Variants in GRIP2 observed in about 807,000 individuals in gnomAD.
GRIP2 encodes the protein glutamate receptor-interacting protein 2.
A neutral mutation model predicts 108.3 loss-of-function variants in GRIP2; 58 were observed. That is an observed-to-expected ratio of 0.54 (90% CI 0.43 to 0.67). The LOEUF is 0.67. Among genes scored for constraint, GRIP2 ranks in the 30% least tolerant of loss-of-function variants. The probability of loss-of-function intolerance (pLI) is 0.00; values close to 1 mark genes in which losing one functional copy is unlikely to be tolerated. For missense variants in GRIP2, 1,278 were observed against 1,430.6 expected (o/e 0.89, Z 1.72); for synonymous variants, 586 against 598.2 (o/e 0.98, Z 0.30).
chr3:14,525,422 A>C lies in GRIP2; in HGVS notation c.257+15T>G. On this transcript the variant is annotated intron_variant, in intron 3 of 23. Transcript: ENST00000621039. ...TGCACCCCCCTCCTGCGGCCGTGCCAAGCCCACTTCTCACCTGGCTGCAAG... is the reference window on the plus strand; with the variant it reads ...TGCACCCCCCTCCTGCGGCCGTGCCCAGCCCACTTCTCACCTGGCTGCAAG... 6.2e-7 allele frequency: 1 copy of C among 1,605,032 alleles called. No individual in the cohort carries two copies. Among genetic ancestry groups the C allele is most frequent in the Non-Finnish European group, 8.5e-7 (1 of 1,177,090 alleles).
At chr3:14,527,954 G>T (rs1694609024) in intron 1 of GRIP2, among the ~76,000 whole-genome samples, 2 of 152,006 alleles carry the variant, frequency 1.3e-5, no homozygotes, top group South Asian at 4.2e-4. Context: ...ACTCTTTGTG[G>T]TGAGCATGTC....
rs928619663 is a variant in GRIP2, at chr3:14,511,943, G to A, written c.1721-464C>T. On this transcript the variant is annotated intron_variant, in intron 14 of 23. Transcript: ENST00000621039. This position sits in a 1 kb window ranked among gnomAD's most constrained non-coding sequence, Gnocchi z 4.1. The stretch of plus-strand genomic sequence containing the variant: ...GACAGCAATCTCTCCCTGCCCTCCT[G>A]GAGCTGGCACTCCAGTGGTGGTCAC... Among the ~76,000 whole-genome samples, 4 of 152,174 alleles carry A rather than the reference G, an allele frequency of 2.6e-5. No individual in the cohort carries two copies. Among genetic ancestry groups the A allele is most frequent in the African/African-American group, 9.7e-5 (4 of 41,436 alleles).
At chr3:14,569,588 T>A in the GRIP2 span, among the ~76,000 whole-genome samples, 1 of 152,118 alleles carries the variant, frequency 6.6e-6, no homozygotes, top group Non-Finnish European at 1.5e-5. Flanking sequence ...AGACATTGGG[T>A]GAGGAGACCT....
At chr3:14,602,328 C>G in the GRIP2 span, 2 of 151,600 alleles carry the variant, frequency 1.3e-5, no homozygotes, top group African/African-American at 2.4e-5. This position sits in a 1 kb window ranked among gnomAD's most constrained non-coding sequence, Gnocchi z 4.7. Flanking sequence ...GGGGCAGGCC[C>G]GGGCAGGGGG....
In GRIP2 at chr3:14,525,753, A is replaced by G. The variant is rs980199344; in HGVS notation, c.121+98T>C. On this transcript the variant is annotated intron_variant, in intron 2 of 23. Coordinates refer to ENST00000621039, the MANE Select transcript of GRIP2 (RefSeq NM_001080423.4). ...GGTTAAGTGGCTGGTCTAAGGTCAC[A>G]GAGCAAGTCAGTGGCAGAGCCGTTG... 1.9e-5 allele frequency: 25 copies of G among 1,343,578 alleles called. No individual in the cohort carries two copies. The African/African-American group carries it at 2.3e-4, about 12-fold the overall frequency. 83.2% of individuals were successfully genotyped at this position (1,343,578 alleles called of 1,614,324 possible).
the GRIP2 span, among the ~76,000 whole-genome samples, chr3:14,584,363 A>G: frequency 6.6e-6 from 1 of 152,228 alleles, no homozygotes; most frequent in East Asian, 1.9e-4. Context: ...CCAAGTCCTG[A>G]GTGTCCTTCA....
In GRIP2 at chr3:14,489,411, T is replaced by G. The variant is rs1226468638; in HGVS notation, c.*4254A>C. ...TCAACGTTTGCCAAACGCTTTACAT[T>G]TTATAAAGGGCTTCCCGTCCAATCC... On this transcript the variant is annotated 3_prime_UTR_variant, in exon 24 of 24. Coordinates refer to ENST00000621039, the MANE Select transcript of GRIP2 (RefSeq NM_001080423.4). 6.6e-6 allele frequency: 1 copy of G among 152,594 alleles called. No individual in the cohort carries two copies. Among genetic ancestry groups the G allele is most frequent in the Non-Finnish European group, 1.5e-5 (1 of 68,034 alleles). The allele number at this position is 152,594 out of a possible 1,614,324, so 9.5% of individuals were successfully genotyped here.
chr3:14,517,409 C>T (rs146731116), intron 10 of GRIP2, among the ~76,000 whole-genome samples, 196 bp from the exon 11 acceptor site: 1 of 150,056 alleles, frequency 6.7e-6, no homozygotes, highest in Non-Finnish European at 1.5e-5. Context: ...TCCATAGACC[C>T]TGTGAAACTC....
intron 16 of GRIP2, among the ~76,000 whole-genome samples, chr3:14,510,933 G>A (rs1026218572): frequency 6.6e-5 from 10 of 152,194 alleles, no homozygotes; most frequent in African/African-American, 1.9e-4. Flanking sequence ...GGAGACTACG[G>A]GAGAGTCTCA....
At chr3:14,506,229 C>A (rs1009173579) in intron 19 of GRIP2, among the ~76,000 whole-genome samples, 6 of 152,216 alleles carry the variant, frequency 3.9e-5, no homozygotes, top group Non-Finnish European at 7.3e-5. Flanking sequence ...GGCCTCGCCC[C>A]CCCTACCCAG....
upstream of GRIP2, among the ~76,000 whole-genome samples, chr3:14,541,533 T>C (rs78689494): frequency 4.9e-3 from 752 of 152,298 alleles, 10 homozygotes; most frequent in African/African-American, 0.017. Flanking sequence ...TAGCCACAAT[T>C]CCTGGGCCGC....
At position 14,526,465 on chromosome 3, in the gene GRIP2, T is replaced by TA. The variant is rs542181452; in HGVS notation, c.41-535dup. ...AAACTCAATCTTGGGTGGACCTGAT[T>TA]AATGCTTCCTCATGAGGACTGCACT... On this transcript the variant is annotated intron_variant, in intron 1 of 23. Transcript: ENST00000621039. 7.2e-5 allele frequency among the ~76,000 whole-genome samples: 11 copies of TA among 152,280 alleles called. No individual in the cohort carries two copies. In the East Asian group the frequency reaches 1.2e-3, roughly 16 times the overall value.
At chr3:14,530,781 G>C (rs1694689989) in intron 1 of GRIP2, among the ~76,000 whole-genome samples, 2 of 152,146 alleles carry the variant, frequency 1.3e-5, no homozygotes, top group African/African-American at 4.8e-5. Context: ...GAGATATTTT[G>C]ATACAGGTAC....
At chr3:14,506,695 G>A (rs1477850820) in intron 19 of GRIP2, 106 bp downstream of exon 19, 1 of 1,086,936 alleles carries the variant, frequency 9.2e-7, no homozygotes, top group Admixed American at 3.2e-5. Context: ...TGCCAGGAGA[G>A]GAGCGCAGGA....
chr3:14,525,296 A>AG, intron 3 of GRIP2, 141 bp downstream of exon 3: 1 of 1,006,248 alleles, frequency 9.9e-7, no homozygotes, highest in South Asian at 1.6e-5. Flanking sequence ...TTCCCTCTGC[A>AG]GACACCAAGT....
upstream of GRIP2, among the ~76,000 whole-genome samples, chr3:14,546,824 G>C (rs1240004758): frequency 2.0e-5 from 3 of 152,174 alleles, no homozygotes; most frequent in Non-Finnish European, 1.5e-5. Flanking sequence ...GTGAAGATGT[G>C]GGGAGATGGA....
chr3:14,493,309 C>T lies in GRIP2; in HGVS notation c.*356G>A, dbSNP rs1052909660. On this transcript the variant is annotated 3_prime_UTR_variant, in exon 24 of 24. Transcript: ENST00000621039. ...CATGGCTTTGCTGGGAGGAAGTGCT[C>T]CCTACATCTTCGACCTCTCCAAGGA... The T allele has an allele frequency of 8.6e-6, 2 of 232,020 alleles. No homozygotes were observed. Among genetic ancestry groups the T allele is most frequent in the East Asian group, 8.7e-5 (1 of 11,542 alleles). The allele number at this position is 232,020 out of a possible 1,614,324, so 14.4% of individuals were successfully genotyped here.
Position 14,525,470 on chromosome 3 carries a change from AC to A in GRIP2, c.223del (p.Val75SerfsTer4). On this transcript the variant is annotated frameshift_variant, in exon 3 of 24. Transcript: ENST00000621039. LOFTEE classifies it high-confidence loss of function. ...GGTDKDGKPR[V>X]SNLRPGGLAA... is the part of the protein sequence containing the mutation. ...AAGTCCCCCAGGTCTCAGGTTGGAG[AC>A]CCTGGGCTTTCCATCCTTGTCGGTG... 6.2e-7 allele frequency: 1 copy of A among 1,612,728 alleles called. No individual in the cohort carries two copies. The highest frequency in any genetic ancestry group is 8.5e-7 in the Non-Finnish European group (1 of 1,179,636).
At chr3:14,542,800 C>A (rs1369713273), upstream of GRIP2, among the ~76,000 whole-genome samples, 3 of 152,188 alleles carry the variant, frequency 2.0e-5, no homozygotes, top group African/African-American at 7.2e-5. Context: ...ATTATTGGCC[C>A]ATTTTGGAAC....
Sources: allele counts gnomAD v4.1 joint callset (sites outside exome capture counted in the v4.1 genomes callset), GRCh38; gene constraint gnomAD v4.1.1; non-coding constraint Gnocchi (gnomAD v3.1); transcripts MANE v1.5; gene names NCBI Gene and HGNC (gene_info 2026-07-23, HGNC 2026-07-21).